The following DDX50 variants were observed in gnomAD, a reference collection of about 807,000 sequenced individuals.
DDX50 encodes the protein ATP-dependent RNA helicase DDX50.
A neutral mutation model predicts 94.8 loss-of-function variants in DDX50; 56 were observed. The ratio of observed to expected loss-of-function variants is 0.59; its 90% CI spans 0.48 to 0.74. The LOEUF is 0.74. DDX50 is among the 30% of genes least tolerant of loss of function. DDX50 has a pLI of 0.00. For missense variants in DDX50, 713 were observed against 881.2 expected, an observed-to-expected ratio of 0.81 and a Z score of 2.42; for synonymous variants, 264 against 295.4, an observed-to-expected ratio of 0.89 and a Z score of 1.09.
At chr10:68,923,035 C>T (rs1419900530) in intron 8 of DDX50, among the ~76,000 whole-genome samples, 2 of 147,434 alleles carry the variant, frequency 1.4e-5, no homozygotes, top group Non-Finnish European at 3.0e-5. Flanking sequence ...GTGATCTGCC[C>T]GCCTTGGCCT....
intron 6 of DDX50, 73 bp downstream of exon 6, chr10:68,913,649 T>C: frequency 7.0e-7 from 1 of 1,420,872 alleles, no homozygotes; most frequent in Non-Finnish European, 9.5e-7. Flanking sequence ...TTTTATTTAA[T>C]AATTTTTATT....
rs543261824 is a variant in DDX50, at chr10:68,927,548, A to C, written c.1240-6651A>C. ...TCTCAGTTATGCTACTTACTAGCAT[A>C]ATTTTGTACATACGTACATATGCAC... On this transcript the variant is annotated intron_variant, in intron 8 of 14. Transcript: ENST00000373585. 5.4e-4 allele frequency among the ~76,000 whole-genome samples: 83 copies of C among 152,366 alleles called. 1 individual carries two copies. The highest frequency in any genetic ancestry group is 1.9e-3 in the African/African-American group (78 of 41,588).
At chr10:68,929,706 G>A (rs1390044470) in intron 8 of DDX50, among the ~76,000 whole-genome samples, 3 of 149,864 alleles carry the variant, frequency 2.0e-5, no homozygotes, top group East Asian at 2.0e-4. Flanking sequence ...TTACAGGCAT[G>A]AGCCACTGCG....
intron 4 of DDX50, 133 bp from the exon 5 acceptor site, chr10:68,913,029 G>T: frequency 1.5e-6 from 1 of 676,984 alleles, no homozygotes; most frequent in South Asian, 2.0e-5. Flanking sequence ...TGCTATTTGT[G>T]ATGTGTCTTT....
rs150962644 is a variant in DDX50, at chr10:68,940,081, C to T, written c.1756-979C>T. On this transcript the variant is annotated intron_variant, in intron 12 of 14. Coordinates refer to ENST00000373585, the MANE Select transcript of DDX50 (RefSeq NM_024045.2). ...GAACAAATAATTTTTGCTTATGTAA[C>T]ACTCCTTCAAAAGTTTAAAGAAATT... is the stretch of plus-strand genomic sequence containing the variant. 2.6e-5 allele frequency among the ~76,000 whole-genome samples: 4 copies of T among 152,220 alleles called. No homozygotes were observed. The East Asian group carries it at 7.7e-4, about 29-fold the overall frequency.
At chr10:68,906,661 TAAAAG>T (rs1211306271) in intron 1 of DDX50, 45 bp from the exon 2 acceptor site, 16 of 1,580,928 alleles carry the variant, frequency 1.0e-5, no homozygotes, top group African/African-American at 2.8e-5. Context: ...TCTAGAGTCT[TAAAAG>T]AAAACCTCTG....
chr10:68,931,887 G>A (rs73268371), intron 8 of DDX50, among the ~76,000 whole-genome samples: 1,722 of 151,998 alleles, frequency 0.011, 38 homozygotes, highest in African/African-American at 0.039. Flanking sequence ...TCAAATATTT[G>A]TAGGTTCCAC....
rs1323129838 is a variant in DDX50 at position 68,946,538 on chromosome 10, G to A, written c.2122G>A (p.Gly708Arg). 3.1e-6 allele frequency: 5 copies of A among 1,614,094 alleles called. No individual in the cohort carries two copies. The highest frequency in any genetic ancestry group is 1.3e-5 in the African/African-American group (1 of 74,934). ...CCGGTCAGGTAGACAGAGTCGACAA[G>A]GAAGTCGCTCAGGAAGTCGACAAGA... ...GGRSGRQSRQ[G>R]SRSGSRQDGR... The change falls in exon 15 of 15, where the codon GGA becomes AGA. Residue 708 changes from glycine to arginine, a missense_variant. Physicochemically the swap from Gly to Arg is moderately radical, Grantham distance 125 (BLOSUM62 -2). This residue lies in a region of DDX50 where 428 missense variants were observed against 602.3 expected (regional missense o/e 0.71). Transcript: ENST00000373585.
At chr10:68,925,628 C>G (rs973300728) in intron 8 of DDX50, among the ~76,000 whole-genome samples, 1 of 152,052 alleles carries the variant, frequency 6.6e-6, no homozygotes, top group Non-Finnish European at 1.5e-5. Flanking sequence ...AATTCTAGCA[C>G]TTTGGGAGGC....
chr10:68,932,565 A>G (rs555793493), intron 8 of DDX50, among the ~76,000 whole-genome samples: 21 of 152,226 alleles, frequency 1.4e-4, no homozygotes, highest in Middle Eastern at 3.4e-3. Context: ...TGGCCTGATC[A>G]TTGTTATGAA....
In DDX50 at chr10:68,946,416, A is replaced by G. The variant is rs2132069590; in HGVS notation, c.2000A>G (p.Tyr667Cys). The G allele has an allele frequency of 1.2e-6, 2 of 1,614,260 alleles. No homozygotes were observed. The highest frequency in any genetic ancestry group is 2.2e-5 in the East Asian group (1 of 44,892). Residue 667 changes from tyrosine (Y) to cysteine (C), a missense_variant, in exon 15 of 15, where the codon TAT becomes TGT. Physicochemically the swap from Tyr to Cys is radical, Grantham distance 194. Around this residue, in one of 2 missense-constraint regions of DDX50, gnomAD observed 428 missense variants for 602.3 expected, o/e 0.71. Transcript: ENST00000373585. Reference sequence around the variant, plus strand: ...GCCAAATTACCTGAAATTGAAGAATATTATGATGGAAACACATCTTCTAAT... The same window carrying G: ...GCCAAATTACCTGAAATTGAAGAATGTTATGATGGAAACACATCTTCTAAT... ...VPAKLPEIEEYYDGNTSSNSR... is the reference protein window; with the variant it reads ...VPAKLPEIEECYDGNTSSNSR...
chr10:68,929,701 G>T (rs1842198446), intron 8 of DDX50, among the ~76,000 whole-genome samples: 1 of 150,648 alleles, frequency 6.6e-6, no homozygotes, highest in Non-Finnish European at 1.5e-5. Flanking sequence ...TGGGATTACA[G>T]GCATGAGCCA....
chr10:68,919,981 G>C lies in DDX50; in HGVS notation c.1239G>C (p.Gln413His). 1 of 1,612,376 alleles carries C rather than the reference G, an allele frequency of 6.2e-7. No individual in the cohort carries two copies. Among genetic ancestry groups the C allele is most frequent in the Non-Finnish European group, 8.5e-7 (1 of 1,179,676 alleles). The change falls in exon 8 of 15, where the codon CAG becomes CAC. Residue 413 changes from glutamine to histidine, a missense_variant and splice_region_variant. Around this residue, in one of 2 missense-constraint regions of DDX50, gnomAD observed 428 missense variants for 602.3 expected, o/e 0.71. Coordinates refer to ENST00000373585, the MANE Select transcript of DDX50 (RefSeq NM_024045.2). Reference protein sequence around the residue: ...TEMAMNPHIKQNAQCLHGDIA... With the variant: ...TEMAMNPHIKHNAQCLHGDIA... Reference sequence around the variant, plus strand: ...TGGCCATGAATCCACACATAAAACAGGTAAGTCTTTTTTTCATGCTTTCTC... The same window carrying C: ...TGGCCATGAATCCACACATAAAACACGTAAGTCTTTTTTTCATGCTTTCTC...
At chr10:68,929,297 CT>C (rs879654222) in intron 8 of DDX50, among the ~76,000 whole-genome samples, 7,662 of 101,922 alleles carry the variant, frequency 0.075, 445 homozygotes, top group African/African-American at 0.17. Context: ...TCCTTCCTCT[CT>C]CTCTCTCTCT....
At chr10:68,907,730 T>C (rs949316441) in intron 2 of DDX50, among the ~76,000 whole-genome samples, 17 of 116,860 alleles carry the variant, frequency 1.5e-4, no homozygotes, top group African/African-American at 3.4e-4. Flanking sequence ...GTTATGGCCT[T>C]TTTTTTTTTA....
chr10:68,935,935 A>G (rs1006903067), intron 10 of DDX50, 71 bp from the exon 11 acceptor site: 5 of 1,006,444 alleles, frequency 5.0e-6, no homozygotes, highest in Admixed American at 4.5e-5. Flanking sequence ...TCAACGAACT[A>G]TTAAAATATT....
chr10:68,912,571 C>T (rs983594884), intron 4 of DDX50, among the ~76,000 whole-genome samples: 4 of 152,150 alleles, frequency 2.6e-5, no homozygotes, highest in Non-Finnish European at 5.9e-5. Flanking sequence ...ATTCCAGCTC[C>T]GCCATTTCTA....
chr10:68,927,173 A>G (rs1024298555), intron 8 of DDX50, among the ~76,000 whole-genome samples: 3 of 152,146 alleles, frequency 2.0e-5, no homozygotes, highest in African/African-American at 4.8e-5. Context: ...CGGCCTCCCA[A>G]AGTGCTGGGA....
At chr10:68,905,740 C>T (rs139083563) in intron 1 of DDX50, among the ~76,000 whole-genome samples, 8,742 of 152,194 alleles carry the variant, frequency 0.057, 308 homozygotes, top group Middle Eastern at 0.11. Context: ...GGTGAAACCT[C>T]GTTTCTACTA....
Sources: allele counts gnomAD v4.1 joint callset (sites outside exome capture counted in the v4.1 genomes callset), GRCh38; gene constraint gnomAD v4.1.1; regional missense constraint gnomAD v4.1.1; transcripts MANE v1.5; gene names NCBI Gene and HGNC (gene_info 2026-07-23, HGNC 2026-07-21).